RBFOX1: variants seen among roughly 807,000 people sequenced by gnomAD.
The protein encoded by RBFOX1 is RNA binding protein fox-1 homolog 1.
In RBFOX1, 8 loss-of-function variants were observed where a neutral mutation model predicts 57.7. That is an observed-to-expected ratio of 0.14 (90% CI 0.08 to 0.25). The LOEUF (loss-of-function observed/expected upper bound fraction) is 0.25, where lower values mean the gene tolerates loss of function less well. Among genes scored for constraint, RBFOX1 ranks in the 10% least tolerant of loss-of-function variants. The probability of loss-of-function intolerance (pLI) is 1.00; values close to 1 mark genes in which losing one functional copy is unlikely to be tolerated. For synonymous variants in RBFOX1, 326 were observed against 222.4 expected (o/e 1.47, Z -4.15); for missense variants, 611 against 548.5 (o/e 1.11, Z -1.14).
At chr16:5,802,410 T>C (rs1004024310) in intron 3 of RBFOX1, among the ~76,000 whole-genome samples, 12 of 151,870 alleles carry the variant, frequency 7.9e-5, no homozygotes, top group Non-Finnish European at 1.6e-4. Flanking sequence ...CAAACAAGGG[T>C]GGGATAGCTG....
At chr16:6,178,911 T>A (rs1411072014) in intron 1 of RBFOX1, among the ~76,000 whole-genome samples, 2 of 152,192 alleles carry the variant, frequency 1.3e-5, no homozygotes, top group Non-Finnish European at 2.9e-5. Context: ...TACTCTCATA[T>A]AAGGAAGACA....
chr16:6,694,975 T>C (rs2060801080), intron 3 of RBFOX1, among the ~76,000 whole-genome samples: 1 of 151,998 alleles, frequency 6.6e-6, no homozygotes. Context: ...GGTGTCACTG[T>C]AGGTGAAGGG....
At chr16:7,028,559 C>A (rs1597407926) in intron 3 of RBFOX1, among the ~76,000 whole-genome samples, 1 of 133,304 alleles carries the variant, frequency 7.5e-6, no homozygotes, top group Non-Finnish European at 1.5e-5. Context: ...TGCACTCCAA[C>A]CTGGGCAATA....
intron 3 of RBFOX1, among the ~76,000 whole-genome samples, chr16:5,631,775 C>A (rs999864245): frequency 6.6e-6 from 1 of 151,992 alleles, no homozygotes; most frequent in Admixed American, 6.6e-5. Context: ...AATGAAGTGT[C>A]CAGAGTCTGG....
In RBFOX1 at chr16:6,219,878, A is replaced by G. The variant is rs181806286; in HGVS notation, c.-126-97117A>G. Among the ~76,000 whole-genome samples the G allele has an allele frequency of 1.8e-4, 28 of 152,252 alleles. No homozygotes were observed. In the East Asian group the frequency reaches 5.4e-3, roughly 29 times the overall value. ...GCAACAAGAGCAAAACTGCATGTCA[A>G]AAAAACAAACAAACAAAAAAGAGAA... On this transcript the variant is annotated intron_variant, in intron 1 of 15. Coordinates refer to ENST00000550418, the MANE Select transcript of RBFOX1 (RefSeq NM_018723.4).
At chr16:7,034,833 T>TTTTTTC in intron 3 of RBFOX1, among the ~76,000 whole-genome samples, 2 of 114,120 alleles carry the variant, frequency 1.8e-5, no homozygotes, top group African/African-American at 7.4e-5. Context: ...ATTACTTTTT[T>TTTTTTC]TTTTTTTCTT....
intron 3 of RBFOX1, among the ~76,000 whole-genome samples, chr16:6,832,916 G>C (rs1226243612): frequency 1.3e-5 from 2 of 152,146 alleles, no homozygotes; most frequent in Admixed American, 1.3e-4. Flanking sequence ...CTGCATTTCT[G>C]CAGCTTTCAA....
intron 1 of RBFOX1, among the ~76,000 whole-genome samples, chr16:6,112,810 G>C (rs1289056372): frequency 6.6e-6 from 1 of 152,204 alleles, no homozygotes; most frequent in African/African-American, 2.4e-5. Flanking sequence ...GCATTTGGAG[G>C]ATTTTGTATC....
At position 5,481,762 on chromosome 16, in the gene RBFOX1, C is replaced by T. The variant is rs145875928; in HGVS notation, c.258+14508C>T. ...ATTCTGGAGGCTGCGAGTATGAGAC[C>T]AAGGTGTCAGCATGTTGGTTCCTTC... is the stretch of plus-strand genomic sequence containing the variant. On this transcript the variant is annotated intron_variant, in intron 2 of 2. Coordinates refer to the RBFOX1 transcript ENST00000585867. Among the ~76,000 whole-genome samples the T allele has an allele frequency of 3.5e-3, 530 of 152,210 alleles. 3 individuals carry two copies. Among genetic ancestry groups the T allele is most frequent in the African/African-American group, 0.012 (499 of 41,532 alleles).
At chr16:7,610,190 ACT>A (rs2057203318) in intron 10 of RBFOX1, among the ~76,000 whole-genome samples, 1 of 93,530 alleles carries the variant, frequency 1.1e-5, no homozygotes. Flanking sequence ...CATGATCTCG[ACT>A]CTCTGCAACC....
At chr16:6,238,974 G>T (rs2097525654) in intron 1 of RBFOX1, among the ~76,000 whole-genome samples, 1 of 152,064 alleles carries the variant, frequency 6.6e-6, no homozygotes, top group Admixed American at 6.5e-5. Context: ...CTGTTGTGCT[G>T]TAAGGTAGTA....
chr16:6,819,081 C>G (rs929502047), intron 3 of RBFOX1, among the ~76,000 whole-genome samples: 1 of 152,148 alleles, frequency 6.6e-6, no homozygotes, highest in African/African-American at 2.4e-5. Flanking sequence ...TGTCTGAATC[C>G]AAACACCACA....
At chr16:5,527,351 C>G (rs777468615) in intron 2 of RBFOX1, among the ~76,000 whole-genome samples, 4 of 152,204 alleles carry the variant, frequency 2.6e-5, no homozygotes, top group Non-Finnish European at 5.9e-5. Context: ...TCGTAGACTC[C>G]TCCCCCATAC....
chr16:6,416,580 G>A (rs143022458), intron 2 of RBFOX1, among the ~76,000 whole-genome samples: 2 of 152,156 alleles, frequency 1.3e-5, no homozygotes, highest in African/African-American at 2.4e-5. Flanking sequence ...TGGCACCGAG[G>A]CTTCTTGTAC....
intron 3 of RBFOX1, among the ~76,000 whole-genome samples, chr16:6,691,063 ATTG>A (rs1329792755): frequency 9.9e-5 from 15 of 152,182 alleles, no homozygotes; most frequent in African/African-American, 3.4e-4. Context: ...GTTCCTTCTG[ATTG>A]TTAACATGAC....
intron 1 of RBFOX1, among the ~76,000 whole-genome samples, chr16:6,127,430 GC>G (rs2096597996): frequency 1.3e-5 from 2 of 151,932 alleles, no homozygotes; most frequent in Non-Finnish European, 2.9e-5. Flanking sequence ...AGCATTATAT[GC>G]CAAGCCCTGA....
intron 3 of RBFOX1, among the ~76,000 whole-genome samples, chr16:6,895,484 A>ATG (rs2066645091): frequency 1.1e-5 from 1 of 93,332 alleles, no homozygotes; most frequent in Non-Finnish European, 2.2e-5. Flanking sequence ...ATATATATAT[A>ATG]TATTTATTCC....
intron 1 of RBFOX1, among the ~76,000 whole-genome samples, chr16:6,045,120 T>C (rs906308892): frequency 1.3e-5 from 2 of 152,218 alleles, no homozygotes; most frequent in East Asian, 3.9e-4. Flanking sequence ...TCTCAAATTT[T>C]AATGAGCGTG....
At chr16:6,452,053 T>C (rs1287552464) in intron 2 of RBFOX1, among the ~76,000 whole-genome samples, 2 of 150,104 alleles carry the variant, frequency 1.3e-5, no homozygotes, top group African/African-American at 2.5e-5. Context: ...CATGGCTCCA[T>C]CCATGGATCC....
Sources: allele counts gnomAD v4.1 joint callset (sites outside exome capture counted in the v4.1 genomes callset), GRCh38; gene constraint gnomAD v4.1.1; transcripts MANE v1.5; gene names NCBI Gene and HGNC (gene_info 2026-07-23, HGNC 2026-07-21).